EPHA6: variants seen among roughly 807,000 people sequenced by gnomAD.
The protein encoded by EPHA6 is ephrin type-A receptor 6.
EPHA6 carries 50 observed loss-of-function variants against 112.0 expected under a neutral mutation model. The ratio of observed to expected loss-of-function variants is 0.45; its 90% confidence interval spans 0.36 to 0.56. EPHA6 has a LOEUF of 0.56. EPHA6 is among the 20% of genes least tolerant of loss of function. The pLI is 0.00. For missense variants in EPHA6, 1,280 were observed against 1,417.4 expected, an observed-to-expected ratio of 0.90 and a Z score of 1.56; for synonymous variants, 529 against 490.7, an observed-to-expected ratio of 1.08 and a Z score of -1.03.
chr3:97,289,765 AG>A (rs1232124444), intron 5 of EPHA6, among the ~76,000 whole-genome samples: 1 of 151,964 alleles, frequency 6.6e-6, no homozygotes, highest in Admixed American at 6.6e-5. Context: ...TTCTGCTTGT[AG>A]AGATCTTTCA....
intron 14 of EPHA6, among the ~76,000 whole-genome samples, chr3:97,687,887 C>T (rs2032368026): frequency 6.6e-6 from 1 of 152,108 alleles, no homozygotes; most frequent in South Asian, 2.1e-4. Flanking sequence ...CTGGAGCATG[C>T]CTGTCTGGAG....
chr3:97,427,349 C>T (rs1282896592), intron 6 of EPHA6, among the ~76,000 whole-genome samples: 1 of 152,182 alleles, frequency 6.6e-6, no homozygotes, highest in African/African-American at 2.4e-5. Flanking sequence ...CCATGGAATA[C>T]CATGCAGCCA....
chr3:97,355,332 G>T (rs2084015937), intron 5 of EPHA6, among the ~76,000 whole-genome samples: 1 of 152,072 alleles, frequency 6.6e-6, no homozygotes, highest in Non-Finnish European at 1.5e-5. Context: ...AATATAATAA[G>T]ATATAAATAG....
chr3:97,524,161 CT>C (rs754056485), intron 10 of EPHA6, among the ~76,000 whole-genome samples: 10 of 147,172 alleles, frequency 6.8e-5, no homozygotes, highest in Middle Eastern at 3.5e-3. Flanking sequence ...GTTATTTTGT[CT>C]TTCTTCCAAT....
intron 5 of EPHA6, among the ~76,000 whole-genome samples, chr3:97,278,935 G>A (rs2080192783): frequency 6.6e-6 from 1 of 152,176 alleles, no homozygotes; most frequent in Non-Finnish European, 1.5e-5. Flanking sequence ...ATTGAAACAG[G>A]GCAGGATATT....
chr3:97,722,426 T>C (rs1049853683), intron 15 of EPHA6, among the ~76,000 whole-genome samples: 2 of 152,188 alleles, frequency 1.3e-5, no homozygotes, highest in African/African-American at 4.8e-5. Context: ...AGAAGTGACA[T>C]ATTTCCTTAA....
At chr3:96,956,891 G>C (rs1031314921) in intron 2 of EPHA6, among the ~76,000 whole-genome samples, 1 of 151,894 alleles carries the variant, frequency 6.6e-6, no homozygotes, top group African/African-American at 2.4e-5. Flanking sequence ...AAATTAGTTG[G>C]GTGTGGTGAT....
chr3:97,583,926 C>T (rs898695565), intron 11 of EPHA6, among the ~76,000 whole-genome samples: 4 of 152,152 alleles, frequency 2.6e-5, no homozygotes, highest in African/African-American at 9.7e-5. Flanking sequence ...TTCAAGTTCA[C>T]TCGACCCTTC....
chr3:97,101,621 C>G (rs1292513435), intron 3 of EPHA6, among the ~76,000 whole-genome samples: 4 of 151,946 alleles, frequency 2.6e-5, no homozygotes, highest in African/African-American at 9.7e-5. Flanking sequence ...CAGGGATACA[C>G]CTGAGCACTG....
chr3:97,498,330 C>CAAAAAAAAAAAAAA (rs1297962805), intron 10 of EPHA6, among the ~76,000 whole-genome samples: 3 of 58,486 alleles, frequency 5.1e-5, no homozygotes. Flanking sequence ...AAGAAAATAG[C>CAAAAAAAAAAAAAA]AAAAAAAAAA....
intron 3 of EPHA6, among the ~76,000 whole-genome samples, chr3:97,093,101 T>G (rs1373155541): frequency 6.6e-6 from 1 of 152,108 alleles, no homozygotes; most frequent in East Asian, 1.9e-4. Context: ...AACAAACTTA[T>G]TTGGATAGAA....
intron 7 of EPHA6, among the ~76,000 whole-genome samples, chr3:97,452,311 G>A (rs11929502): frequency 3.3e-5 from 5 of 151,536 alleles, no homozygotes; most frequent in South Asian, 4.2e-4. Context: ...CCCCTCTACC[G>A]AAATCTATAA....
intron 14 of EPHA6, among the ~76,000 whole-genome samples, 193 bp from the exon 15 acceptor site, chr3:97,720,068 A>G (rs2034457649): frequency 6.6e-6 from 1 of 152,190 alleles, no homozygotes; most frequent in Non-Finnish European, 1.5e-5. Context: ...CATTAAAGCT[A>G]TTTTTACTGA....
rs182902412 is a variant in EPHA6, at chr3:97,573,623, A to G, written c.2387-18989A>G. On this transcript the variant is annotated intron_variant, in intron 11 of 17. Coordinates refer to ENST00000389672, the MANE Select transcript of EPHA6 (RefSeq NM_001080448.3). ...TATTTTTTATTATACTTTAAGTTTT[A>G]GGGTACATGTGCACATTGTGCAGGT... is the stretch of plus-strand genomic sequence containing the variant. Among the ~76,000 whole-genome samples the G allele has an allele frequency of 1.2e-3, 180 of 152,060 alleles. 2 individuals carry two copies. In the East Asian group the frequency reaches 0.034, roughly 28 times the overall value.
intron 3 of EPHA6, among the ~76,000 whole-genome samples, chr3:97,111,272 A>G (rs1347295296): frequency 6.6e-6 from 1 of 152,188 alleles, no homozygotes; most frequent in Non-Finnish European, 1.5e-5. Flanking sequence ...ATTGCATATT[A>G]TAAAATATAT....
chr3:96,867,604 A>G (rs1350950150), intron 2 of EPHA6, among the ~76,000 whole-genome samples: 2 of 151,850 alleles, frequency 1.3e-5, no homozygotes, highest in African/African-American at 4.8e-5. Flanking sequence ...GTTAATCAAA[A>G]TATTGAATAA....
At chr3:96,977,887 G>A (rs2042596014) in intron 2 of EPHA6, among the ~76,000 whole-genome samples, 1 of 152,178 alleles carries the variant, frequency 6.6e-6, no homozygotes, top group Non-Finnish European at 1.5e-5. Flanking sequence ...AGCTGGGCAT[G>A]CTGCCTCATG....
chr3:97,386,473 A>G (rs1332946363), intron 5 of EPHA6, among the ~76,000 whole-genome samples: 1 of 152,246 alleles, frequency 6.6e-6, no homozygotes, highest in Admixed American at 6.5e-5. Context: ...TCAAAGTTCT[A>G]AAATGATCTA....
At chr3:97,552,367 T>C (rs924084227) in intron 11 of EPHA6, among the ~76,000 whole-genome samples, 3 of 152,152 alleles carry the variant, frequency 2.0e-5, no homozygotes, top group Non-Finnish European at 4.4e-5. Context: ...CTTTTCCTAA[T>C]TAAGAAATTG....
Sources: gnomAD v4.1 joint callset for allele counts (sites outside exome capture counted in the v4.1 genomes callset) on GRCh38, gnomAD v4.1.1 for gene constraint, MANE v1.5 for transcripts, NCBI Gene and HGNC (gene_info 2026-07-23, HGNC 2026-07-21) for gene names.